KCNN3: variants seen among roughly 807,000 people sequenced by gnomAD.
KCNN3 encodes the protein small conductance calcium-activated potassium channel protein 3.
KCNN3 carries 16 observed loss-of-function variants against 62.9 expected under a neutral mutation model. The ratio of observed to expected loss-of-function variants is 0.25; its 90% CI spans 0.17 to 0.39. The LOEUF is 0.39. KCNN3 is among the 10% of genes least tolerant of loss of function. The pLI is 1.00. For synonymous variants in KCNN3, 370 were observed against 389.2 expected (o/e 0.95, Z 0.58); for missense variants, 599 against 949.4 (o/e 0.63, Z 4.85).
chr1:154,731,541 G>A (rs1342311943), intron 4 of KCNN3, among the ~76,000 whole-genome samples: 1 of 152,180 alleles, frequency 6.6e-6, no homozygotes, highest in East Asian at 1.9e-4. Context: ...GGTGGGGAGT[G>A]GGGGCAGCCC....
At position 154,714,629 on chromosome 1, in the gene KCNN3, G is replaced by A. The variant is rs1231226652; in HGVS notation, c.1829+247C>T. Reference sequence around the variant, plus strand: ...TGGTGTGTGGTGTGTGTGTGTGTGTGTGTGTGTGTGTGTGTGTGTAGAATG... The same window carrying A: ...TGGTGTGTGGTGTGTGTGTGTGTGTATGTGTGTGTGTGTGTGTGTAGAATG... On this transcript the variant is annotated intron_variant, in intron 6 of 7. Transcript: ENST00000271915. 3.6e-5 allele frequency among the ~76,000 whole-genome samples: 4 copies of A among 112,622 alleles called. 1 individual carries two copies. The highest frequency in any genetic ancestry group is 7.6e-5 in the Non-Finnish European group (4 of 52,956). 73.9% of individuals were successfully genotyped at this position (112,622 alleles called of 152,430 possible).
intron 2 of KCNN3, among the ~76,000 whole-genome samples, chr1:154,821,069 C>A (rs2101893540): frequency 6.6e-6 from 1 of 152,344 alleles, no homozygotes; most frequent in East Asian, 1.9e-4. Context: ...CTCACAACAG[C>A]TCAGCAGAGC....
chr1:154,748,000 A>G (rs947401877), intron 3 of KCNN3, among the ~76,000 whole-genome samples: 2 of 151,278 alleles, frequency 1.3e-5, no homozygotes, highest in African/African-American at 4.9e-5. Context: ...ATTCTCCCTC[A>G]CTTCTCACCA....
intron 1 of KCNN3, among the ~76,000 whole-genome samples, chr1:154,861,311 G>C (rs1050982035): frequency 1.3e-5 from 2 of 152,058 alleles, no homozygotes; most frequent in Admixed American, 1.3e-4. Flanking sequence ...TCAGGTCTTC[G>C]GGGCCTGAGT....
At chr1:154,819,674 T>A (rs143532999) in intron 2 of KCNN3, among the ~76,000 whole-genome samples, 3 of 152,300 alleles carry the variant, frequency 2.0e-5, no homozygotes, top group African/African-American at 7.2e-5. Context: ...TTTTGGTGAC[T>A]TTCCTCAAGT....
At position 154,706,492 on chromosome 1, in the gene KCNN3, A is replaced by G. The variant is rs1699968218; in HGVS notation, c.*1484T>C. The G allele has an allele frequency of 6.6e-6, 1 of 152,220 alleles. No homozygotes were observed. Among genetic ancestry groups the G allele is most frequent in the Non-Finnish European group, 1.5e-5 (1 of 68,032 alleles). The allele number at this position is 152,220 out of a possible 1,614,324, so 9.4% of individuals were successfully genotyped here. A position where few individuals can be genotyped will look rare whatever the true frequency, so the allele number is the denominator to read the frequency against. On this transcript the variant is annotated 3_prime_UTR_variant, in exon 8 of 8. Coordinates refer to ENST00000271915, the MANE Select transcript of KCNN3 (RefSeq NM_002249.6). ...GTTACGTGTGGTCAGATTATGGAGC[A>G]ATGAAAACATTTTTCTGCGCCGCTC... is the stretch of plus-strand genomic sequence containing the variant.
intron 5 of KCNN3, among the ~76,000 whole-genome samples, chr1:154,724,166 A>C (rs1270366663): frequency 1.3e-5 from 2 of 152,190 alleles, no homozygotes; most frequent in Non-Finnish European, 2.9e-5. Context: ...CAAACAATCA[A>C]ACACCATAAA....
At chr1:154,826,012 C>T (rs1331082000) in intron 1 of KCNN3, among the ~76,000 whole-genome samples, 1 of 149,830 alleles carries the variant, frequency 6.7e-6, no homozygotes, top group Non-Finnish European at 1.5e-5. Flanking sequence ...AGTGCCACTG[C>T]ACTCCAGCCT....
rs1237175195 is a variant in KCNN3, at chr1:154,809,650, G to A, written c.1029+12439C>T. On this transcript the variant is annotated intron_variant, in intron 2 of 7. Transcript: ENST00000271915. The surrounding 1 kb of genome is among the most constrained non-coding windows in gnomAD (Gnocchi z 4.3). ...GGGAGGCCCCCAAATACATGTTGCT[G>A]AGTGAGATGCTAAAAGGCCTGGACA... Among the ~76,000 whole-genome samples the A allele has an allele frequency of 6.6e-6, 1 of 152,198 alleles. No individual in the cohort carries two copies. The highest frequency in any genetic ancestry group is 1.9e-4 in the East Asian group (1 of 5,200).
rs149710579 is a variant in KCNN3, at chr1:154,809,933, G to A, written c.1029+12156C>T. Among the ~76,000 whole-genome samples the A allele has an allele frequency of 1.8e-3, 279 of 152,246 alleles. 1 individual carries two copies. The highest frequency in any genetic ancestry group is 6.3e-3 in the African/African-American group (261 of 41,534). ...CAGTAACAAAGTGAGAAAGCAGGTC[G>A]GTGCCTTCTGTACTGACCTGATCCC... On this transcript the variant is annotated intron_variant, in intron 2 of 7. Coordinates refer to ENST00000271915, the MANE Select transcript of KCNN3 (RefSeq NM_002249.6). The surrounding 1 kb of genome is among the most constrained non-coding windows in gnomAD (Gnocchi z 4.3).
At chr1:154,856,784 C>A (rs1240830068) in intron 1 of KCNN3, among the ~76,000 whole-genome samples, 4 of 152,154 alleles carry the variant, frequency 2.6e-5, no homozygotes, top group Non-Finnish European at 4.4e-5. Context: ...AGTGACACAG[C>A]CAGCGCTGTA....
intron 2 of KCNN3, among the ~76,000 whole-genome samples, chr1:154,787,027 G>T (rs1274781314): frequency 1.3e-5 from 2 of 152,166 alleles, no homozygotes; most frequent in Admixed American, 6.5e-5. Flanking sequence ...AGTGTTCATA[G>T]CTGAGCTCCT....
At chr1:154,785,270 C>A (rs1225075261) in intron 2 of KCNN3, among the ~76,000 whole-genome samples, 3 of 152,138 alleles carry the variant, frequency 2.0e-5, no homozygotes, top group Non-Finnish European at 4.4e-5. Context: ...GGGAGAAATT[C>A]TTTAACCCTG....
chr1:154,811,717 C>T (rs1161460917), intron 2 of KCNN3, among the ~76,000 whole-genome samples: 1 of 152,124 alleles, frequency 6.6e-6, no homozygotes, highest in Non-Finnish European at 1.5e-5. Flanking sequence ...CATTTTTTCT[C>T]TTAAAAACAG....
In KCNN3 at chr1:154,766,420, ATAT is replaced by A. The variant is rs1557964839; in HGVS notation, c.1448+5552_1448+5554del. Among the ~76,000 whole-genome samples, 302 of 115,878 alleles carry A rather than the reference ATAT, an allele frequency of 2.6e-3. 29 individuals carry two copies. Among genetic ancestry groups the A allele is most frequent in the South Asian group, 0.023 (77 of 3,366 alleles). The allele number at this position is 115,878 out of a possible 152,430, so 76.0% of individuals were successfully genotyped here. On this transcript the variant is annotated intron_variant, in intron 3 of 7. Coordinates refer to ENST00000271915, the MANE Select transcript of KCNN3 (RefSeq NM_002249.6). Reference sequence around the variant, plus strand: ...TTATTAAATACTAGCCAGGCTTTATATATATATATATATATATATATATGTAGA... The same window carrying A: ...TTATTAAATACTAGCCAGGCTTTATAATATATATATATATATATATGTAGA...
Position 154,708,804 on chromosome 1 carries a change from G to A in KCNN3, c.1900-532C>T, listed in dbSNP as rs184756328. On this transcript the variant is annotated intron_variant, in intron 7 of 7. Transcript: ENST00000271915. ...TAATAATAACTGTACACAGTTAGGA[G>A]TTATTGCACATCTCCCAACCTCTAT... Among the ~76,000 whole-genome samples the A allele has an allele frequency of 8.7e-4, 132 of 152,272 alleles. 1 individual carries two copies. Among genetic ancestry groups the A allele is most frequent in the Non-Finnish European group, 1.4e-3 (93 of 68,016 alleles).
At chr1:154,810,179 A>C (rs1400443793) in intron 2 of KCNN3, among the ~76,000 whole-genome samples, 1 of 151,876 alleles carries the variant, frequency 6.6e-6, no homozygotes, top group African/African-American at 2.4e-5. Flanking sequence ...AGGAGGGGAG[A>C]ATATGGGCGG....
chr1:154,833,812 C>T (rs1651474528), intron 1 of KCNN3, among the ~76,000 whole-genome samples: 1 of 152,224 alleles, frequency 6.6e-6, no homozygotes, highest in African/African-American at 2.4e-5. Context: ...GTGAACATTT[C>T]CTCCATGCCT....
At position 154,869,315 on chromosome 1, in the gene KCNN3, G is replaced by A. The variant is rs1245831928; in HGVS notation, c.650C>T (p.Pro217Leu). ...PLQLFSPSNP[P>L]EIVISSREDN... ...CTCCCGGGAGGAGATGACGATCTCC[G>A]GGGGGTTGCTAGGGCTGAAAAGCTG... The change falls in exon 1 of 8, where the codon CCG becomes CTG. Residue 217 changes from proline (P) to leucine (L), a missense_variant. By Grantham distance (98) the Pro-to-Leu change is moderately conservative. Transcript: ENST00000271915. This position sits in a 1 kb window ranked among gnomAD's most constrained non-coding sequence, Gnocchi z 6.1. 2.0e-5 allele frequency: 32 copies of A among 1,613,594 alleles called. No homozygotes were observed. Among genetic ancestry groups the A allele is most frequent in the Non-Finnish European group, 2.4e-5 (28 of 1,179,594 alleles).
Sources: allele counts gnomAD v4.1 joint callset (sites outside exome capture counted in the v4.1 genomes callset), GRCh38; gene constraint gnomAD v4.1.1; non-coding constraint Gnocchi (gnomAD v3.1); transcripts MANE v1.5; gene names NCBI Gene and HGNC (gene_info 2026-07-23, HGNC 2026-07-21).